SMYD3: variants seen among roughly 807,000 people sequenced by gnomAD.
The protein encoded by SMYD3 is histone-lysine N-methyltransferase SMYD3.
SMYD3 carries 36 observed loss-of-function variants against 57.7 expected under a neutral mutation model. The ratio of observed to expected loss-of-function variants is 0.62; its 90% CI spans 0.48 to 0.82. SMYD3 has a LOEUF of 0.82. Among genes scored for constraint, SMYD3 ranks in the 40% least tolerant of loss-of-function variants. The pLI, the probability that SMYD3 is intolerant of heterozygous loss-of-function variation, is 0.00. For synonymous variants in SMYD3, 211 were observed against 195.0 expected (o/e 1.08, Z -0.68); for missense variants, 515 against 538.8 (o/e 0.96, Z 0.44).
chr1:246,505,481 C>T (rs2068523291), intron 1 of SMYD3, among the ~76,000 whole-genome samples: 1 of 151,950 alleles, frequency 6.6e-6, no homozygotes, highest in African/African-American at 2.4e-5. Flanking sequence ...TTCGTGGTAC[C>T]TACTGCAGAA....
Position 246,498,730 on chromosome 1 carries a change from C to CAA in SMYD3, c.164+8322_164+8323dup, listed in dbSNP as rs1247516323. Among the ~76,000 whole-genome samples, 63 of 68,018 alleles carry CAA rather than the reference C, an allele frequency of 9.3e-4. 1 individual carries two copies. The highest frequency in any genetic ancestry group is 1.8e-3 in the African/African-American group (37 of 20,588). The allele number at this position is 68,018 out of a possible 152,430, so 44.6% of individuals were successfully genotyped here. A position where few individuals can be genotyped will look rare whatever the true frequency, so the allele number is the denominator to read the frequency against. On this transcript the variant is annotated intron_variant, in intron 1 of 11. Coordinates refer to ENST00000490107, the MANE Select transcript of SMYD3 (RefSeq NM_001167740.2). The stretch of plus-strand genomic sequence containing the variant: ...TGGGCAACAGAGCAAGACTCCGTCT[C>CAA]AAAAAAAAAAAAAAAAAAGAACACA...
chr1:245,896,414 T>G (rs1219863338), intron 8 of SMYD3, among the ~76,000 whole-genome samples: 1 of 91,672 alleles, frequency 1.1e-5, no homozygotes, highest in Non-Finnish European at 2.1e-5. Flanking sequence ...AAACAGGCAA[T>G]GATCTCCCTG....
At position 246,029,122 on chromosome 1, in the gene SMYD3, T is replaced by C. The variant is rs140280211; in HGVS notation, c.532-99185A>G. The stretch of plus-strand genomic sequence containing the variant: ...ATAGGACCCAAAACTATAAAACTAC[T>C]AGAAGAAAACACTTCAGGACATTGG... On this transcript the variant is annotated intron_variant, in intron 5 of 11. Transcript: ENST00000490107. 4.6e-3 allele frequency among the ~76,000 whole-genome samples: 701 copies of C among 152,268 alleles called. 2 individuals carry two copies. The highest frequency in any genetic ancestry group is 6.0e-3 in the Non-Finnish European group (405 of 68,026).
intron 7 of SMYD3, among the ~76,000 whole-genome samples, chr1:245,917,255 C>T (rs1350763986): frequency 6.6e-6 from 1 of 152,158 alleles, no homozygotes; most frequent in African/African-American, 2.4e-5. Flanking sequence ...TGGTCTTGAA[C>T]TCCTGGGCTC....
At position 246,340,338 on chromosome 1, in the gene SMYD3, T is replaced by C. The variant is rs1572398149; in HGVS notation, c.229-4864A>G. Among the ~76,000 whole-genome samples the C allele has an allele frequency of 4.0e-5, 6 of 151,404 alleles. No individual in the cohort carries two copies. The South Asian group carries it at 1.2e-3, about 32-fold the overall frequency. On this transcript the variant is annotated intron_variant, in intron 2 of 11. Transcript: ENST00000490107. ...CATGAAACAGTCTAAAATACATATA[T>C]AGACACAGTGTTAAATGTCTCCAAT... is the stretch of plus-strand genomic sequence containing the variant.
At chr1:246,412,710 T>G (rs1229958165) in intron 1 of SMYD3, among the ~76,000 whole-genome samples, 1 of 151,980 alleles carries the variant, frequency 6.6e-6, no homozygotes, top group African/African-American at 2.4e-5. Flanking sequence ...TACAAAAAAT[T>G]AGCTGGGTGT....
chr1:246,368,563 T>C (rs34588691), intron 1 of SMYD3, among the ~76,000 whole-genome samples: 2 of 151,898 alleles, frequency 1.3e-5, no homozygotes, highest in African/African-American at 4.8e-5. Context: ...TACCTAAAAG[T>C]CTCTGTGATG....
chr1:246,046,193 C>T (rs1422101829), intron 5 of SMYD3, among the ~76,000 whole-genome samples: 13 of 152,082 alleles, frequency 8.5e-5, no homozygotes, highest in South Asian at 8.3e-4. Context: ...TATTGCGGCA[C>T]TATTCACAAT....
At chr1:246,010,790 T>C (rs1159673472) in intron 5 of SMYD3, among the ~76,000 whole-genome samples, 3 of 152,244 alleles carry the variant, frequency 2.0e-5, no homozygotes, top group African/African-American at 4.8e-5. Flanking sequence ...ATGGTGTCTA[T>C]GGATATCTGC....
At chr1:245,861,833 A>AC (rs1292268925) in intron 9 of SMYD3, among the ~76,000 whole-genome samples, 1 of 150,858 alleles carries the variant, frequency 6.6e-6, no homozygotes, top group East Asian at 1.9e-4. Context: ...ACATTTTACT[A>AC]CCCCACAATA....
chr1:245,977,373 C>G (rs986531299), intron 5 of SMYD3, among the ~76,000 whole-genome samples: 1 of 152,178 alleles, frequency 6.6e-6, no homozygotes, highest in Non-Finnish European at 1.5e-5. Flanking sequence ...GAAGTCCATC[C>G]TTAATCACAA....
intron 5 of SMYD3, among the ~76,000 whole-genome samples, chr1:245,976,405 CAGGGAAAGCCATCGTCTCTAGCCT>C (rs1209867825): frequency 2.5e-4 from 1 of 3,938 alleles, no homozygotes; most frequent in African/African-American, 4.9e-4. Flanking sequence ...GTCTCTAGCC[CAGGGAAAGCCATCGTCTCTAGCCT>C]AGGGAAAGCC....
At chr1:245,870,106 G>A (rs1322230390) in intron 8 of SMYD3, among the ~76,000 whole-genome samples, 1 of 152,176 alleles carries the variant, frequency 6.6e-6, no homozygotes, top group Non-Finnish European at 1.5e-5. Flanking sequence ...GTGATAGAGT[G>A]AATGAGAAGT....
intron 8 of SMYD3, among the ~76,000 whole-genome samples, chr1:245,866,740 A>G (rs12030934): frequency 0.58 from 87,381 of 151,860 alleles, 27,632 homozygotes; most frequent in Non-Finnish European, 0.73. Flanking sequence ...TCAAAAAAAG[A>G]AAAGAAAAGA....
At chr1:246,386,642 A>T (rs2066485998) in intron 1 of SMYD3, among the ~76,000 whole-genome samples, 1 of 50,774 alleles carries the variant, frequency 2.0e-5, no homozygotes, top group African/African-American at 5.3e-5. Context: ...TTTAATTGTT[A>T]AAAAAAAAAA....
intron 10 of SMYD3, among the ~76,000 whole-genome samples, chr1:245,811,129 T>A (rs963297554): frequency 6.6e-6 from 1 of 152,224 alleles, no homozygotes; most frequent in Non-Finnish European, 1.5e-5. Context: ...GGTGTATCAC[T>A]GATGCCTATT....
chr1:245,926,873 G>A (rs1387727868), intron 7 of SMYD3, among the ~76,000 whole-genome samples: 8 of 152,084 alleles, frequency 5.3e-5, no homozygotes, highest in Admixed American at 3.9e-4. Context: ...AAAAAAAAGA[G>A]AAAAAACTAC....
At chr1:245,840,286 A>T (rs1244330513) in intron 10 of SMYD3, among the ~76,000 whole-genome samples, 1 of 152,216 alleles carries the variant, frequency 6.6e-6, no homozygotes. Context: ...GCAGAGCCTA[A>T]AACCTTACAG....
chr1:245,969,533 C>A (rs1475101708), intron 5 of SMYD3, among the ~76,000 whole-genome samples: 2 of 152,182 alleles, frequency 1.3e-5, no homozygotes, highest in Non-Finnish European at 2.9e-5. Flanking sequence ...TCAGCACAAA[C>A]TCAGAAACAT....
Sources: gnomAD v4.1 joint callset for allele counts (sites outside exome capture counted in the v4.1 genomes callset) on GRCh38, gnomAD v4.1.1 for gene constraint, MANE v1.5 for transcripts, NCBI Gene and HGNC (gene_info 2026-07-23, HGNC 2026-07-21) for gene names.